ROCK1: variants seen among roughly 807,000 people sequenced by gnomAD.
ROCK1 encodes the protein rho-associated protein kinase 1.
Under a neutral mutation model 196.8 loss-of-function variants are expected in ROCK1, and 36 were observed. That is an observed-to-expected ratio of 0.18 (90% CI 0.14 to 0.24). ROCK1 has a LOEUF of 0.24. ROCK1 is among the 10% of genes least tolerant of loss of function. ROCK1 has a pLI of 1.00. For missense variants in ROCK1, 920 were observed against 1,562.0 expected (o/e 0.59, Z 6.93); for synonymous variants, 443 against 515.9 (o/e 0.86, Z 1.91).
chr18:20,958,244 T>C (rs1326625250), intron 29 of ROCK1, among the ~76,000 whole-genome samples: 1 of 151,888 alleles, frequency 6.6e-6, no homozygotes, highest in East Asian at 1.9e-4. Context: ...AAAGAAAGAG[T>C]ATTCTCTAGA....
intron 16 of ROCK1, among the ~76,000 whole-genome samples, chr18:20,995,221 T>C (rs1386457046): frequency 6.6e-6 from 1 of 152,198 alleles, no homozygotes; most frequent in Non-Finnish European, 1.5e-5. Flanking sequence ...GAGATGTACA[T>C]ACTAATTACC....
At chr18:21,006,633 C>A (rs770960998) in intron 15 of ROCK1, 36 bp from the exon 16 acceptor site, 1 of 1,600,294 alleles carries the variant, frequency 6.2e-7, no homozygotes, top group African/African-American at 1.4e-5. Flanking sequence ...AGGTTTCTGA[C>A]CAAAGTACGA....
intron 27 of ROCK1, among the ~76,000 whole-genome samples, chr18:20,963,773 G>A (rs2035348449): frequency 1.3e-5 from 2 of 152,132 alleles, no homozygotes; most frequent in African/African-American, 4.8e-5. Flanking sequence ...CTAGGCAACA[G>A]GCACCCATAA....
At chr18:21,091,309 A>G (rs184443459) in intron 1 of ROCK1, among the ~76,000 whole-genome samples, 15 of 152,312 alleles carry the variant, frequency 9.8e-5, no homozygotes, top group Admixed American at 9.2e-4. Context: ...AATACAGTAT[A>G]TAAGATATAT....
chr18:20,959,791 T>C (rs1017907934), intron 29 of ROCK1, 49 bp downstream of exon 29: 1 of 949,318 alleles, frequency 1.1e-6, no homozygotes, highest in African/African-American at 1.7e-5. Flanking sequence ...AAAATAATTA[T>C]CAAAAGTTAG....
chr18:21,083,652 G>A (rs1159032696), intron 1 of ROCK1, among the ~76,000 whole-genome samples: 2 of 152,098 alleles, frequency 1.3e-5, no homozygotes, highest in African/African-American at 4.8e-5. Flanking sequence ...TCCATTTAAT[G>A]AACAGTAAAT....
intron 27 of ROCK1, among the ~76,000 whole-genome samples, chr18:20,964,617 T>A (rs1910397834): frequency 6.6e-6 from 1 of 152,192 alleles, no homozygotes; most frequent in African/African-American, 2.4e-5. Flanking sequence ...AACTGGCCTC[T>A]TCTAGCAAGG....
At chr18:21,022,191 T>G (rs1224660980) in intron 11 of ROCK1, among the ~76,000 whole-genome samples, 14 of 152,078 alleles carry the variant, frequency 9.2e-5, no homozygotes, top group Admixed American at 9.2e-4. Context: ...AGACAAAAAG[T>G]TCAAAGAATG....
chr18:20,969,467 G>C (rs917051413), intron 23 of ROCK1: 9 of 268,594 alleles, frequency 3.4e-5, no homozygotes, highest in Non-Finnish European at 4.8e-5. Flanking sequence ...AAGATAACTA[G>C]ATTGCAAACT....
At chr18:20,958,132 T>C (rs1360668667) in intron 29 of ROCK1, among the ~76,000 whole-genome samples, 2 of 152,214 alleles carry the variant, frequency 1.3e-5, no homozygotes, top group Non-Finnish European at 2.9e-5. Context: ...TTTAACTTAG[T>C]TGAAAGATAG....
chr18:20,958,903 A>G, intron 29 of ROCK1, among the ~76,000 whole-genome samples: 1 of 108,012 alleles, frequency 9.3e-6, no homozygotes, highest in Non-Finnish European at 1.7e-5. Context: ...TTATTTATAT[A>G]TATATATTTT....
chr18:21,111,361 A>G lies in ROCK1; in HGVS notation c.-451T>C. 2.4e-6 allele frequency: 1 copy of G among 424,044 alleles called. No homozygotes were observed. The highest frequency in any genetic ancestry group is 4.1e-6 in the Non-Finnish European group (1 of 241,380). 26.3% of individuals were successfully genotyped at this position (424,044 alleles called of 1,614,324 possible). ...AGGCGAAAGCAAAGGGCGGGTGAGG[A>G]GCTGTGCCAGCTGCGGCCGCCGCTC... On this transcript the variant is annotated 5_prime_UTR_variant, in exon 1 of 33. Coordinates refer to ENST00000399799, the MANE Select transcript of ROCK1 (RefSeq NM_005406.3). The surrounding 1 kb of genome is among the most constrained non-coding windows in gnomAD (Gnocchi z 4.2).
rs1568367385 is a variant in ROCK1 at position 20,959,093 on chromosome 18, A to ATTTT, written c.3512+746_3512+747insAAAA. On this transcript the variant is annotated intron_variant, in intron 29 of 32. Transcript: ENST00000399799. Reference sequence around the variant, plus strand: ...ATTATATAATATATATATTTTATATAATATATATATTATATATATATTATA... The same window carrying ATTTT: ...ATTATATAATATATATATTTTATATATTTTATATATATATTATATATATATTATA... 3.4e-3 allele frequency among the ~76,000 whole-genome samples: 111 copies of ATTTT among 32,350 alleles called. 5 individuals carry two copies. The highest frequency in any genetic ancestry group is 0.02 in the African/African-American group (106 of 5,304). 21.2% of individuals were successfully genotyped at this position (32,350 alleles called of 152,430 possible). A position where few individuals can be genotyped will look rare whatever the true frequency, so the allele number is the denominator to read the frequency against.
At chr18:21,046,992 T>TA (rs1241868913) in intron 4 of ROCK1, among the ~76,000 whole-genome samples, 1 of 152,142 alleles carries the variant, frequency 6.6e-6, no homozygotes, top group Non-Finnish European at 1.5e-5. Context: ...TATTTTAATG[T>TA]AAAAAATGTA....
At chr18:21,006,040 T>C (rs1441294487) in intron 16 of ROCK1, among the ~76,000 whole-genome samples, 3 of 152,140 alleles carry the variant, frequency 2.0e-5, no homozygotes, top group Non-Finnish European at 2.9e-5. Context: ...ATAAAAATTA[T>C]AAAATATTCC....
At chr18:20,964,382 A>G (rs2035353960) in intron 27 of ROCK1, among the ~76,000 whole-genome samples, 1 of 152,182 alleles carries the variant, frequency 6.6e-6, no homozygotes, top group South Asian at 2.1e-4. Context: ...ATGAATGCAA[A>G]ACCTTAACTT....
At chr18:20,971,673 T>C (rs1358717714) in intron 22 of ROCK1, among the ~76,000 whole-genome samples, 19 of 16,552 alleles carry the variant, frequency 1.1e-3, no homozygotes, top group Admixed American at 8.0e-3. Context: ...CAAAAATAAA[T>C]AAATAAATAA....
chr18:21,080,328 G>C (rs1568404257), intron 1 of ROCK1, among the ~76,000 whole-genome samples: 1 of 152,102 alleles, frequency 6.6e-6, no homozygotes. Flanking sequence ...CATTGGACTT[G>C]ATAAAGACAT....
intron 11 of ROCK1, among the ~76,000 whole-genome samples, chr18:21,023,237 C>T (rs976153564): frequency 2.6e-5 from 4 of 152,050 alleles, no homozygotes; most frequent in Admixed American, 1.3e-4. Flanking sequence ...ATGATTAAAA[C>T]GGTAAATTTC....
Sources: allele counts gnomAD v4.1 joint callset (sites outside exome capture counted in the v4.1 genomes callset), GRCh38; gene constraint gnomAD v4.1.1; non-coding constraint Gnocchi (gnomAD v3.1); transcripts MANE v1.5; gene names NCBI Gene and HGNC (gene_info 2026-07-23, HGNC 2026-07-21).